Variants in NCOA7 observed in about 807,000 individuals in gnomAD.
NCOA7 encodes the protein nuclear receptor coactivator 7.
Under a neutral mutation model 104.3 loss-of-function variants are expected in NCOA7, and 45 were observed. The ratio of observed to expected loss-of-function variants is 0.43; its 90% CI spans 0.34 to 0.55. The LOEUF is 0.55. Ranked by LOEUF, NCOA7 falls within the 20% of genes least tolerant of loss-of-function variation. The pLI, the probability that NCOA7 is intolerant of heterozygous loss-of-function variation, is 0.02. For missense variants in NCOA7, 1,041 were observed against 1,119.7 expected, an observed-to-expected ratio of 0.93 and a Z score of 1.00; for synonymous variants, 398 against 402.3, an observed-to-expected ratio of 0.99 and a Z score of 0.13.
chr6:125,906,286 G>T (rs1785994443), intron 10 of NCOA7, among the ~76,000 whole-genome samples: 1 of 152,158 alleles, frequency 6.6e-6, no homozygotes, highest in Non-Finnish European at 1.5e-5. Context: ...TTTAAGAACA[G>T]TACAATAGAG....
intron 6 of NCOA7, among the ~76,000 whole-genome samples, chr6:125,882,069 G>T (rs1266756469): frequency 6.6e-6 from 1 of 152,100 alleles, no homozygotes; most frequent in African/African-American, 2.4e-5. Context: ...AGTCAGGCAG[G>T]TCCCGAACTC....
chr6:125,844,997 T>C (rs1780476449), intron 2 of NCOA7, among the ~76,000 whole-genome samples: 1 of 152,182 alleles, frequency 6.6e-6, no homozygotes, highest in Non-Finnish European at 1.5e-5. Context: ...AGGCTATTAT[T>C]TTTATGTCAA....
In NCOA7 at chr6:125,863,027, T is replaced by G. The variant is rs1782180379; in HGVS notation, c.271+7787T>G. Among the ~76,000 whole-genome samples, 2 of 139,000 alleles carry G rather than the reference T, an allele frequency of 1.4e-5. 1 individual carries two copies. The highest frequency in any genetic ancestry group is 3.1e-5 in the Non-Finnish European group (2 of 64,984). The allele number at this position is 139,000 out of a possible 152,430, so 91.2% of individuals were successfully genotyped here. ...CAAAAAAACAAACAAAAAACCCTAC[T>G]TTACTTAAAAACTAAAAATATTAAA... On this transcript the variant is annotated intron_variant, in intron 3 of 15. Transcript: ENST00000392477.
At chr6:125,882,584 G>A in intron 7 of NCOA7, 33 bp downstream of exon 7, 1 of 1,599,116 alleles carries the variant, frequency 6.3e-7, no homozygotes, top group East Asian at 2.2e-5. Context: ...TCCTTTCCTT[G>A]AAATCTATGA....
At chr6:125,869,266 G>A (rs946274518) in intron 3 of NCOA7, among the ~76,000 whole-genome samples, 1 of 152,118 alleles carries the variant, frequency 6.6e-6, no homozygotes, top group Non-Finnish European at 1.5e-5. Flanking sequence ...TGTTCTTGCT[G>A]GTTTTTCTCA....
At chr6:125,862,647 T>C (rs942201585) in intron 3 of NCOA7, among the ~76,000 whole-genome samples, 2 of 138,216 alleles carry the variant, frequency 1.4e-5, no homozygotes, top group African/African-American at 6.0e-5. Flanking sequence ...ATCATCACTT[T>C]TGAAAATGTT....
At chr6:125,903,908 A>G (rs567673835) in intron 10 of NCOA7, among the ~76,000 whole-genome samples, 1 of 152,206 alleles carries the variant, frequency 6.6e-6, no homozygotes, top group East Asian at 1.9e-4. Context: ...GGGTTTCACC[A>G]TATTGGACAG....
chr6:125,808,872 C>T (rs1245786752), intron 1 of NCOA7, among the ~76,000 whole-genome samples: 1 of 152,178 alleles, frequency 6.6e-6, no homozygotes, highest in Non-Finnish European at 1.5e-5. Context: ...GATGGCATCT[C>T]TTGACTCATC....
chr6:125,833,051 C>T (rs964427644), intron 2 of NCOA7, among the ~76,000 whole-genome samples: 2 of 152,198 alleles, frequency 1.3e-5, no homozygotes, highest in Non-Finnish European at 2.9e-5. Context: ...AGAAATCATG[C>T]TTAATGAAAC....
At chr6:125,847,805 G>C (rs1446002736) in intron 2 of NCOA7, among the ~76,000 whole-genome samples, 3 of 152,126 alleles carry the variant, frequency 2.0e-5, no homozygotes, top group Non-Finnish European at 2.9e-5. Context: ...TTGACAAATG[G>C]GATCTAATTA....
At chr6:125,784,650 A>G (rs528827215) in intron 1 of NCOA7, among the ~76,000 whole-genome samples, 6 of 152,322 alleles carry the variant, frequency 3.9e-5, no homozygotes, top group African/African-American at 1.4e-4. Flanking sequence ...ATGCCCTTCA[A>G]TGGGTGAATG....
At chr6:125,913,405 A>G (rs1786769802) in intron 10 of NCOA7, among the ~76,000 whole-genome samples, 1 of 152,218 alleles carries the variant, frequency 6.6e-6, no homozygotes, top group Non-Finnish European at 1.5e-5. Context: ...AATCTGCTCT[A>G]CTCAGAGTCT....
intron 3 of NCOA7, among the ~76,000 whole-genome samples, chr6:125,859,610 A>C (rs1292081509): frequency 6.6e-6 from 1 of 152,222 alleles, no homozygotes; most frequent in Non-Finnish European, 1.5e-5. Flanking sequence ...ATTAATAATC[A>C]GAAAATAGAG....
chr6:125,929,049 GAT>G lies in NCOA7; in HGVS notation c.*283_*284del. The G allele has an allele frequency of 3.6e-6, 1 of 279,808 alleles. No homozygotes were observed. The highest frequency in any genetic ancestry group is 6.6e-5 in the East Asian group (1 of 15,070). The allele number at this position is 279,808 out of a possible 1,614,324, so 17.3% of individuals were successfully genotyped here. A position where few individuals can be genotyped will look rare whatever the true frequency, so the allele number is the denominator to read the frequency against. ...ACAGTGAGGAATCAGAGTGTTTATA[GAT>G]ATATGAGTTGAATGCAATTTTTATT... is the stretch of plus-strand genomic sequence containing the variant. On this transcript the variant is annotated 3_prime_UTR_variant, in exon 16 of 16. Transcript: ENST00000392477.
At chr6:125,851,674 A>G (rs1781140941) in intron 2 of NCOA7, among the ~76,000 whole-genome samples, 1 of 152,186 alleles carries the variant, frequency 6.6e-6, no homozygotes, top group Non-Finnish European at 1.5e-5. Flanking sequence ...AGAAATTGCC[A>G]TACTGCAAAT....
At chr6:125,834,025 G>A (rs1414308188) in intron 2 of NCOA7, among the ~76,000 whole-genome samples, 1 of 151,822 alleles carries the variant, frequency 6.6e-6, no homozygotes, top group South Asian at 2.1e-4. Context: ...TTTTAAAATC[G>A]TAATGCTTGC....
At chr6:125,844,465 T>C (rs900858090) in intron 2 of NCOA7, among the ~76,000 whole-genome samples, 4 of 152,224 alleles carry the variant, frequency 2.6e-5, no homozygotes, top group Admixed American at 1.3e-4. Context: ...CTTAAATCTT[T>C]TGTTTTTATT....
At chr6:125,853,524 C>T (rs1311339776) in intron 2 of NCOA7, among the ~76,000 whole-genome samples, 1 of 152,200 alleles carries the variant, frequency 6.6e-6, no homozygotes, top group Non-Finnish European at 1.5e-5. Flanking sequence ...TGCTCTGTCT[C>T]TTATGCCATA....
intron 2 of NCOA7, among the ~76,000 whole-genome samples, chr6:125,836,906 A>C (rs1779654791): frequency 1.3e-5 from 2 of 152,336 alleles, no homozygotes; most frequent in South Asian, 4.1e-4. Context: ...AGTTGGTTGC[A>C]CCTGTGTGTG....
Sources: allele counts gnomAD v4.1 joint callset (sites outside exome capture counted in the v4.1 genomes callset), GRCh38; gene constraint gnomAD v4.1.1; transcripts MANE v1.5; gene names NCBI Gene and HGNC (gene_info 2026-07-23, HGNC 2026-07-21).